The following EFR3B variants were observed in gnomAD, a reference collection of about 807,000 sequenced individuals.
EFR3B encodes EFR3 homolog B, also known as protein EFR3 homolog B.
In EFR3B, 64 loss-of-function variants were observed where a neutral mutation model predicts 104.7. The observed-to-expected ratio is 0.61, with a 90% CI of 0.50 to 0.75. The LOEUF (loss-of-function observed/expected upper bound fraction) is 0.75, where lower values mean the gene tolerates loss of function less well. EFR3B is among the 30% of genes least tolerant of loss of function. The pLI, the probability that EFR3B is intolerant of heterozygous loss-of-function variation, is 0.00. For missense variants in EFR3B, 750 were observed against 1,078.5 expected, an observed-to-expected ratio of 0.70 and a Z score of 4.27; for synonymous variants, 385 against 417.9, an observed-to-expected ratio of 0.92 and a Z score of 0.96.
At chr2:25,133,251 G>A (rs1021470701) in intron 11 of EFR3B, 132 bp from the exon 12 acceptor site, 16 of 1,063,430 alleles carry the variant, frequency 1.5e-5, no homozygotes, top group Non-Finnish European at 1.7e-5. Flanking sequence ...TCCTGGGTCC[G>A]GAAGTCACTG....
chr2:25,130,445 C>A lies in EFR3B; in HGVS notation c.771-107C>A. On this transcript the variant is annotated intron_variant, in intron 7 of 22. Coordinates refer to ENST00000403714, the MANE Select transcript of EFR3B (RefSeq NM_014971.2). This position sits in a 1 kb window ranked among gnomAD's most constrained non-coding sequence, Gnocchi z 4.6. ...CAGGCTTCACTTCCTCACCCGGGAA[C>A]TGTGCGAGGGGCTCTGAGAAGGTGT... The A allele has an allele frequency of 9.6e-7, 1 of 1,036,296 alleles. No individual in the cohort carries two copies. The highest frequency in any genetic ancestry group is 1.5e-6 in the Non-Finnish European group (1 of 678,802). 64.2% of individuals were successfully genotyped at this position (1,036,296 alleles called of 1,614,324 possible).
At chr2:25,053,877 A>G (rs1162005981) in intron 1 of EFR3B, among the ~76,000 whole-genome samples, 1 of 152,228 alleles carries the variant, frequency 6.6e-6, no homozygotes. Context: ...ACTGCATTCC[A>G]GCCTGGGCGA....
rs1432328799 is a variant in EFR3B at position 25,130,526 on chromosome 2, G to A, written c.771-26G>A. On this transcript the variant is annotated intron_variant, in intron 7 of 22. Transcript: ENST00000403714. The surrounding 1 kb of genome is among the most constrained non-coding windows in gnomAD (Gnocchi z 4.6). ...TAACACTGCCGGGAGTTTCATAGTT[G>A]TTCCCCCACGTTTTCTCCCTCACAG... is the stretch of plus-strand genomic sequence containing the variant. 5.2e-5 allele frequency: 80 copies of A among 1,539,706 alleles called. No individual in the cohort carries two copies. The Admixed American group carries it at 1.6e-3, about 30-fold the overall frequency.
At chr2:25,080,960 CT>C (rs1484965316) in intron 1 of EFR3B, 2 of 758,384 alleles carry the variant, frequency 2.6e-6, no homozygotes, top group Non-Finnish European at 4.9e-6. Flanking sequence ...GAGCTTGTTC[CT>C]TTTTGATGCC....
rs1420332942 is a variant in EFR3B, at chr2:25,136,950, T to A, written c.1560+352T>A. ...CTGCCCTTGGAGCCTGCCTCCTCCC[T>A]CTGTAGCTATGTCTCCTCCCTCTGT... is the stretch of plus-strand genomic sequence containing the variant. On this transcript the variant is annotated intron_variant, in intron 14 of 22. Transcript: ENST00000403714. This position sits in a 1 kb window ranked among gnomAD's most constrained non-coding sequence, Gnocchi z 4.0. 6.6e-6 allele frequency among the ~76,000 whole-genome samples: 1 copy of A among 152,128 alleles called. No individual in the cohort carries two copies. The highest frequency in any genetic ancestry group is 1.5e-5 in the Non-Finnish European group (1 of 68,014).
In EFR3B at chr2:25,139,145, C is replaced by T; in HGVS notation, c.1809C>T (p.Ile603=). The part of the protein sequence containing the change: ...YALGAAYLNL[I]SQLTTVPAFC... ...TGGGCGCAGCCTACCTGAACCTCAT[C>T]AGTCAGCTCACAACAGTGCCTGCCT... Residue 603 remains isoleucine, a synonymous_variant, in exon 16 of 23, where the codon ATC becomes ATT. Transcript: ENST00000403714. The T allele has an allele frequency of 6.4e-7, 1 of 1,551,728 alleles. No homozygotes were observed. The highest frequency in any genetic ancestry group is 1.4e-5 in the African/African-American group (1 of 73,166).
intron 3 of EFR3B, among the ~76,000 whole-genome samples, chr2:25,100,201 T>C (rs1272595065): frequency 6.6e-6 from 1 of 151,890 alleles, no homozygotes; most frequent in African/African-American, 2.4e-5. Context: ...CAAAACTCCG[T>C]CTCAAAAAAA....
rs759449745 is a variant in EFR3B, at chr2:25,061,127, A to ATT, written c.7+18823_7+18824dup. On this transcript the variant is annotated intron_variant, in intron 1 of 22. Coordinates refer to ENST00000403714, the MANE Select transcript of EFR3B (RefSeq NM_014971.2). ...GGTTGGCACCTTGAATTGGAGGTTG[A>ATT]TTTTTTTTTTTTTTTTGAAACAGTC... is the stretch of plus-strand genomic sequence containing the variant. 1.7e-3 allele frequency among the ~76,000 whole-genome samples: 247 copies of ATT among 141,806 alleles called. 3 individuals are homozygous for ATT. Among genetic ancestry groups the ATT allele is most frequent in the African/African-American group, 6.1e-3 (235 of 38,728 alleles). 93.0% of individuals were successfully genotyped at this position (141,806 alleles called of 152,430 possible). A position where few individuals can be genotyped will look rare whatever the true frequency, so the allele number is the denominator to read the frequency against.
chr2:25,075,417 T>C (rs1333677693), intron 1 of EFR3B, among the ~76,000 whole-genome samples: 5 of 152,212 alleles, frequency 3.3e-5, no homozygotes, highest in African/African-American at 1.2e-4. Flanking sequence ...ACTCAGGACA[T>C]GTCTATTTTC....
intron 4 of EFR3B, among the ~76,000 whole-genome samples, chr2:25,119,887 T>G (rs1669966190): frequency 1.3e-5 from 2 of 152,216 alleles, no homozygotes; most frequent in South Asian, 4.1e-4. Context: ...ATACTAAATA[T>G]TATGAGAGTC....
rs1470909353 is a variant in EFR3B at position 25,062,555 on chromosome 2, T to C, written c.7+20236T>C. On this transcript the variant is annotated intron_variant, in intron 1 of 22. Coordinates refer to ENST00000403714, the MANE Select transcript of EFR3B (RefSeq NM_014971.2). ...ACTAGGAGACGGACGGTCAAGGGCCTGTGCCAGCCCGCACCAGGGCTCTTA... is the reference window on the plus strand; with the variant it reads ...ACTAGGAGACGGACGGTCAAGGGCCCGTGCCAGCCCGCACCAGGGCTCTTA... Among the ~76,000 whole-genome samples, 3 of 152,232 alleles carry C rather than the reference T, an allele frequency of 2.0e-5. 1 individual carries two copies. The highest frequency in any genetic ancestry group is 4.4e-5 in the Non-Finnish European group (3 of 68,046).
In EFR3B at chr2:25,136,174, C is replaced by T. The variant is rs999019157; in HGVS notation, c.1485-349C>T. On this transcript the variant is annotated intron_variant, in intron 13 of 22. Coordinates refer to ENST00000403714, the MANE Select transcript of EFR3B (RefSeq NM_014971.2). The surrounding 1 kb of genome is among the most constrained non-coding windows in gnomAD (Gnocchi z 4.0). Reference sequence around the variant, plus strand: ...TCTACAAGAAAATTTAAAAATTAGCCGAGTGTGGTGGCTCACACCTGTGGT... The same window carrying T: ...TCTACAAGAAAATTTAAAAATTAGCTGAGTGTGGTGGCTCACACCTGTGGT... Among the ~76,000 whole-genome samples, 4 of 151,908 alleles carry T rather than the reference C, an allele frequency of 2.6e-5. No homozygotes were observed. The highest frequency in any genetic ancestry group is 5.9e-5 in the Non-Finnish European group (4 of 68,002).
At chr2:25,145,312 C>T in intron 19 of EFR3B, 1 of 533,886 alleles carries the variant, frequency 1.9e-6, no homozygotes, top group South Asian at 3.3e-5. Flanking sequence ...TGGCTCACAC[C>T]TGTGATCCCA....
At chr2:25,063,621 A>C (rs1668256354) in intron 1 of EFR3B, among the ~76,000 whole-genome samples, 1 of 152,152 alleles carries the variant, frequency 6.6e-6, no homozygotes, top group African/African-American at 2.4e-5. Flanking sequence ...GATAGACCCC[A>C]CCTCAGTGTT....
At chr2:25,111,481 C>T (rs1460751053) in intron 4 of EFR3B, among the ~76,000 whole-genome samples, 1 of 152,182 alleles carries the variant, frequency 6.6e-6, no homozygotes, top group Admixed American at 6.5e-5. Context: ...CCTCTTCCCA[C>T]CGGATGTGCC....
intron 3 of EFR3B, among the ~76,000 whole-genome samples, chr2:25,096,911 C>A (rs6545926): frequency 6.6e-6 from 1 of 152,052 alleles, no homozygotes; most frequent in Non-Finnish European, 1.5e-5. Context: ...TTTCTGTGAT[C>A]ATTTTATATA....
At chr2:25,096,772 G>A (rs511777) in intron 3 of EFR3B, among the ~76,000 whole-genome samples, 8,194 of 152,302 alleles carry the variant, frequency 0.054, 344 homozygotes, top group Middle Eastern at 0.15. Context: ...AGAAGACGGA[G>A]CTGGTCTTGA....
At chr2:25,118,551 G>A (rs2149199093) in intron 4 of EFR3B, among the ~76,000 whole-genome samples, 1 of 152,050 alleles carries the variant, frequency 6.6e-6, no homozygotes, top group Admixed American at 6.6e-5. Flanking sequence ...CAGAAAGGAA[G>A]GAGGGAAGAG....
chr2:25,081,317 T>A (rs1283700433), intron 1 of EFR3B: 2 of 914,452 alleles, frequency 2.2e-6, no homozygotes, highest in Admixed American at 4.0e-5. Flanking sequence ...TCATCTCAAC[T>A]TCTTTTGAAC....
Sources: allele counts gnomAD v4.1 joint callset (sites outside exome capture counted in the v4.1 genomes callset), GRCh38; gene constraint gnomAD v4.1.1; non-coding constraint Gnocchi (gnomAD v3.1); transcripts MANE v1.5; gene names NCBI Gene and HGNC (gene_info 2026-07-23, HGNC 2026-07-21).